The following MAN1A2 variants were observed in gnomAD, a reference collection of about 807,000 sequenced individuals.
MAN1A2 encodes mannosidase alpha class 1A member 2, also known as mannosyl-oligosaccharide 1,2-alpha-mannosidase IB.
A neutral mutation model predicts 75.7 loss-of-function variants in MAN1A2; 26 were observed. The ratio of observed to expected loss-of-function variants is 0.34; its 90% CI spans 0.25 to 0.48. MAN1A2 has a LOEUF of 0.48. Among genes scored for constraint, MAN1A2 ranks in the 20% least tolerant of loss-of-function variants. The pLI, the probability that MAN1A2 is intolerant of heterozygous loss-of-function variation, is 0.99. For synonymous variants in MAN1A2, 247 were observed against 264.6 expected (o/e 0.93, Z 0.65); for missense variants, 562 against 775.5 (o/e 0.72, Z 3.27).
chr1:117,463,910 T>G (rs1649904060), intron 7 of MAN1A2, among the ~76,000 whole-genome samples: 1 of 152,118 alleles, frequency 6.6e-6, no homozygotes, highest in Admixed American at 6.6e-5. Context: ...AGTTAAAAAC[T>G]GAATTACTTA....
At chr1:117,377,976 C>G (rs2101722045) in intron 1 of MAN1A2, among the ~76,000 whole-genome samples, 1 of 152,186 alleles carries the variant, frequency 6.6e-6, no homozygotes, top group South Asian at 2.1e-4. Flanking sequence ...GTGGTGGGCA[C>G]CTGTAGTCCC....
chr1:117,510,213 A>T (rs914084580), intron 12 of MAN1A2, among the ~76,000 whole-genome samples: 1 of 151,992 alleles, frequency 6.6e-6, no homozygotes, highest in Non-Finnish European at 1.5e-5. Flanking sequence ...TGTTGGTTAG[A>T]TTCCTAGAAG....
At chr1:117,429,611 C>CAT in intron 5 of MAN1A2, among the ~76,000 whole-genome samples, 1 of 100,178 alleles carries the variant, frequency 1.0e-5, no homozygotes, top group Non-Finnish European at 2.1e-5. Context: ...CCGGATGGGG[C>CAT]GGCTGGCCGG....
rs149207480 is a variant in MAN1A2 at position 117,424,650 on chromosome 1, C to T, written c.855+4001C>T. The stretch of plus-strand genomic sequence containing the variant: ...TCAGTCCCCTCAGCTCTCCTATATG[C>T]GTTTCACTCCTCTGCCTTGAGTCTG... On this transcript the variant is annotated intron_variant, in intron 5 of 12. Coordinates refer to ENST00000356554, the MANE Select transcript of MAN1A2 (RefSeq NM_006699.5). 7.6e-3 allele frequency among the ~76,000 whole-genome samples: 1,152 copies of T among 152,236 alleles called. 6 individuals carry two copies. The highest frequency in any genetic ancestry group is 0.026 in the African/African-American group (1,090 of 41,520).
At chr1:117,446,943 G>T (rs144079105) in intron 6 of MAN1A2, among the ~76,000 whole-genome samples, 4 of 152,066 alleles carry the variant, frequency 2.6e-5, no homozygotes, top group South Asian at 4.1e-4. Flanking sequence ...GCATTTTGAC[G>T]AAGCTTTACT....
At chr1:117,468,800 T>C (rs904522638) in intron 8 of MAN1A2, among the ~76,000 whole-genome samples, 1 of 152,112 alleles carries the variant, frequency 6.6e-6, no homozygotes, top group Non-Finnish European at 1.5e-5. Flanking sequence ...TCTAGAAAGA[T>C]ATTTAGAAAA....
chr1:117,526,880 C>CTCTCTCTCTATATATA lies in MAN1A2; in HGVS notation c.*3924_*3925insCTCTCTCTATATATAT. On this transcript the variant is annotated 3_prime_UTR_variant, in exon 13 of 13. Transcript: ENST00000356554. The stretch of plus-strand genomic sequence containing the variant: ...TCTCTCTCTCTCTCTCTCTCTCTCT[C>CTCTCTCTCTATATATA]TATATATATATATATATATATATAT... 9.9e-4 allele frequency: 54 copies of CTCTCTCTCTATATATA among 54,516 alleles called. 1 individual carries two copies. Among genetic ancestry groups the CTCTCTCTCTATATATA allele is most frequent in the African/African-American group, 1.9e-3 (23 of 12,286 alleles). The allele number at this position is 54,516 out of a possible 1,614,324, so 3.4% of individuals were successfully genotyped here.
At chr1:117,482,316 T>C (rs1650522993) in intron 8 of MAN1A2, among the ~76,000 whole-genome samples, 1 of 152,090 alleles carries the variant, frequency 6.6e-6, no homozygotes, top group Admixed American at 6.6e-5. Flanking sequence ...ATGGTTGAAC[T>C]AATTTACACT....
At position 117,526,843 on chromosome 1, in the gene MAN1A2, T is replaced by C. The variant is rs1175283042; in HGVS notation, c.*3886T>C. On this transcript the variant is annotated 3_prime_UTR_variant, in exon 13 of 13. Transcript: ENST00000356554. ...AAATTGGCTAGGTCCTATCTTTTCC[T>C]CTCTCTCTCTCTCTCTCTCTCTCTC... The C allele has an allele frequency of 1.7e-5, 1 of 57,240 alleles. No individual in the cohort carries two copies. Among genetic ancestry groups the C allele is most frequent in the Non-Finnish European group, 3.6e-5 (1 of 27,454 alleles). 3.5% of individuals were successfully genotyped at this position (57,240 alleles called of 1,614,324 possible).
intron 8 of MAN1A2, among the ~76,000 whole-genome samples, chr1:117,490,452 T>C (rs1464009249): frequency 6.6e-6 from 1 of 152,034 alleles, no homozygotes; most frequent in African/African-American, 2.4e-5. Context: ...ACTTAATAAA[T>C]TATGTTGTGT....
chr1:117,431,210 A>T (rs1018982216), intron 5 of MAN1A2, among the ~76,000 whole-genome samples: 3 of 2,440 alleles, frequency 1.2e-3, no homozygotes, highest in African/African-American at 4.2e-3. Flanking sequence ...GGGGAGGGGG[A>T]GGGGGAGGGG....
At chr1:117,400,512 C>T (rs1487775980) in intron 1 of MAN1A2, among the ~76,000 whole-genome samples, 1 of 151,102 alleles carries the variant, frequency 6.6e-6, no homozygotes, top group East Asian at 1.9e-4. Flanking sequence ...TATAGTTAGC[C>T]CATCCCTCAT....
At chr1:117,458,523 ATTTT>A (rs5777311) in intron 6 of MAN1A2, among the ~76,000 whole-genome samples, 52 of 105,594 alleles carry the variant, frequency 4.9e-4, no homozygotes, top group African/African-American at 1.7e-3. Flanking sequence ...ATATATATAT[ATTTT>A]TTTTTTTTTT....
chr1:117,488,856 T>C (rs1002212773), intron 8 of MAN1A2, among the ~76,000 whole-genome samples: 2 of 152,264 alleles, frequency 1.3e-5, no homozygotes, highest in Admixed American at 6.5e-5. Flanking sequence ...TTATATAAGT[T>C]ACATGTATTT....
chr1:117,454,010 T>A (rs1392877915), intron 6 of MAN1A2, among the ~76,000 whole-genome samples: 1 of 152,216 alleles, frequency 6.6e-6, no homozygotes, highest in Non-Finnish European at 1.5e-5. Flanking sequence ...AAGTCTCAGA[T>A]GATCATTTGC....
chr1:117,440,215 A>C (rs559073835), intron 5 of MAN1A2, among the ~76,000 whole-genome samples: 46 of 152,148 alleles, frequency 3.0e-4, no homozygotes, highest in Non-Finnish European at 6.3e-4. Context: ...GAGTGTGTGT[A>C]AATTGCAACA....
At chr1:117,506,167 TTTAAA>T (rs1013226942) in intron 12 of MAN1A2, among the ~76,000 whole-genome samples, 4 of 151,558 alleles carry the variant, frequency 2.6e-5, no homozygotes, top group African/African-American at 9.7e-5. Flanking sequence ...TATCAGTTAA[TTTAAA>T]TAGGCTTTGT....
At chr1:117,426,405 A>G (rs1336050521) in intron 5 of MAN1A2, among the ~76,000 whole-genome samples, 1 of 152,064 alleles carries the variant, frequency 6.6e-6, no homozygotes, top group Non-Finnish European at 1.5e-5. Context: ...TTTCTAAAAA[A>G]TTCTCAGTTA....
At chr1:117,452,459 T>G (rs1243519028) in intron 6 of MAN1A2, among the ~76,000 whole-genome samples, 1 of 152,184 alleles carries the variant, frequency 6.6e-6, no homozygotes, top group Non-Finnish European at 1.5e-5. Context: ...TGAAGGAAAT[T>G]AACAGTGCTA....
Sources: allele counts gnomAD v4.1 joint callset (sites outside exome capture counted in the v4.1 genomes callset), GRCh38; gene constraint gnomAD v4.1.1; transcripts MANE v1.5; gene names NCBI Gene and HGNC (gene_info 2026-07-23, HGNC 2026-07-21).